SLIT3: variants seen among roughly 807,000 people sequenced by gnomAD.
SLIT3 encodes slit homolog 3 protein.
A neutral mutation model predicts 184.0 loss-of-function variants in SLIT3; 68 were observed. The ratio of observed to expected loss-of-function variants is 0.37; its 90% CI spans 0.30 to 0.45. The LOEUF is 0.45. Ranked by LOEUF, SLIT3 falls within the 20% of genes least tolerant of loss-of-function variation. SLIT3 has a pLI of 1.00. For missense variants in SLIT3, 1,707 were observed against 2,026.0 expected, an observed-to-expected ratio of 0.84 and a Z score of 3.02; for synonymous variants, 831 against 828.6, an observed-to-expected ratio of 1.00 and a Z score of -0.05.
chr5:169,134,924 G>C (rs1761446891), intron 4 of SLIT3, among the ~76,000 whole-genome samples: 1 of 152,158 alleles, frequency 6.6e-6, no homozygotes, highest in Non-Finnish European at 1.5e-5. Flanking sequence ...AGCATCTTCA[G>C]GGCAGAGCAC....
chr5:169,192,985 C>T (rs1178685396), intron 4 of SLIT3, among the ~76,000 whole-genome samples: 2 of 152,110 alleles, frequency 1.3e-5, no homozygotes, highest in Non-Finnish European at 2.9e-5. Flanking sequence ...TTCCTTTTCC[C>T]ACAAAATCAT....
chr5:168,946,689 C>T (rs1433867749), intron 4 of SLIT3, among the ~76,000 whole-genome samples: 1 of 152,200 alleles, frequency 6.6e-6, no homozygotes, highest in Non-Finnish European at 1.5e-5. Context: ...CCACAATCCC[C>T]TCTGCGGCCT....
intron 4 of SLIT3, among the ~76,000 whole-genome samples, chr5:168,932,256 G>GTGTT (rs111410870): frequency 0.5 from 65,976 of 130,830 alleles, 17,851 homozygotes; most frequent in African/African-American, 0.69. Context: ...TGTTGTTGTT[G>GTGTT]TGTTTTTTTT....
At chr5:168,817,212 T>C in intron 8 of SLIT3, 88 bp downstream of exon 8, 1 of 1,229,702 alleles carries the variant, frequency 8.1e-7, no homozygotes, top group Non-Finnish European at 1.2e-6. Context: ...TGGGCTAGGG[T>C]ATGTGTTCAA....
intron 3 of SLIT3, among the ~76,000 whole-genome samples, chr5:169,204,705 G>A (rs1180436084): frequency 1.3e-5 from 2 of 152,194 alleles, no homozygotes; most frequent in Non-Finnish European, 2.9e-5. Flanking sequence ...GTGGTGGTGG[G>A]TGTCTGTGGA....
chr5:169,102,914 T>C (rs943728604), intron 4 of SLIT3, among the ~76,000 whole-genome samples: 6 of 152,230 alleles, frequency 3.9e-5, no homozygotes, highest in Non-Finnish European at 1.5e-5. Flanking sequence ...GTCACCTCTC[T>C]TCTAAATCAT....
At chr5:168,788,321 A>G (rs1488983245) in intron 11 of SLIT3, among the ~76,000 whole-genome samples, 4 of 152,238 alleles carry the variant, frequency 2.6e-5, no homozygotes, top group Non-Finnish European at 5.9e-5. Flanking sequence ...CTCTGCAAGC[A>G]GCAGGCAACA....
At chr5:169,137,335 C>CACAGAG (rs368371904) in intron 4 of SLIT3, among the ~76,000 whole-genome samples, 2,329 of 138,592 alleles carry the variant, frequency 0.017, 68 homozygotes, top group African/African-American at 0.057. Context: ...CACACACACA[C>CACAGAG]AGAGAGAGAG....
At chr5:168,893,816 C>A (rs1316756554) in intron 4 of SLIT3, among the ~76,000 whole-genome samples, 1 of 152,128 alleles carries the variant, frequency 6.6e-6, no homozygotes, top group Non-Finnish European at 1.5e-5. Flanking sequence ...GACCTGGGCC[C>A]CCTCATTTGC....
chr5:169,190,942 A>G (rs1763531548), intron 4 of SLIT3, among the ~76,000 whole-genome samples: 1 of 152,246 alleles, frequency 6.6e-6, no homozygotes. Context: ...AGAGAGAAAA[A>G]GGGATTGCTG....
intron 5 of SLIT3, among the ~76,000 whole-genome samples, chr5:168,879,451 C>T (rs552924456): frequency 6.6e-6 from 1 of 152,204 alleles, no homozygotes; most frequent in African/African-American, 2.4e-5. Flanking sequence ...CTAAATGTCT[C>T]TTATTTTCCA....
intron 8 of SLIT3, among the ~76,000 whole-genome samples, chr5:168,809,093 T>A (rs1757082659): frequency 6.6e-6 from 1 of 152,186 alleles, no homozygotes; most frequent in Admixed American, 6.5e-5. Context: ...GAAAGAAAGA[T>A]ACCATATTCA....
intron 16 of SLIT3, among the ~76,000 whole-genome samples, chr5:168,754,650 T>A (rs902686648): frequency 1.3e-5 from 2 of 152,190 alleles, no homozygotes; most frequent in Non-Finnish European, 2.9e-5. Flanking sequence ...CACAAAGAAA[T>A]GATAGATGTT....
At chr5:169,066,150 T>C (rs1297885234) in intron 4 of SLIT3, among the ~76,000 whole-genome samples, 1 of 152,196 alleles carries the variant, frequency 6.6e-6, no homozygotes, top group Non-Finnish European at 1.5e-5. Flanking sequence ...GTAAAAACTA[T>C]TTTTGAGCAG....
At chr5:168,714,849 G>A (rs1464506895) in intron 23 of SLIT3, among the ~76,000 whole-genome samples, 2 of 152,108 alleles carry the variant, frequency 1.3e-5, no homozygotes, top group African/African-American at 4.8e-5. Flanking sequence ...TCAAGCACTT[G>A]GAACTCCTCC....
chr5:168,905,038 G>A (rs1055338064), intron 4 of SLIT3, among the ~76,000 whole-genome samples: 6 of 152,102 alleles, frequency 3.9e-5, no homozygotes, highest in Non-Finnish European at 7.4e-5. Flanking sequence ...TTAGCTGGGC[G>A]TGGCAGCGTG....
At chr5:169,268,942 C>T (rs769475952) in intron 1 of SLIT3, among the ~76,000 whole-genome samples, 1 of 152,116 alleles carries the variant, frequency 6.6e-6, no homozygotes. Context: ...TCACCATCAT[C>T]GTATGTTATT....
intron 4 of SLIT3, among the ~76,000 whole-genome samples, chr5:169,146,523 G>T (rs991458358): frequency 6.6e-6 from 1 of 152,136 alleles, no homozygotes; most frequent in African/African-American, 2.4e-5. Flanking sequence ...CAAGCCAGCT[G>T]GCTCTAGCCA....
At chr5:169,209,494 T>C (rs900449298) in intron 3 of SLIT3, among the ~76,000 whole-genome samples, 2 of 152,134 alleles carry the variant, frequency 1.3e-5, no homozygotes, top group African/African-American at 4.8e-5. Context: ...CACATGCACA[T>C]GTATGTTTAT....
Sources: allele counts gnomAD v4.1 joint callset (sites outside exome capture counted in the v4.1 genomes callset), GRCh38; gene constraint gnomAD v4.1.1; transcripts MANE v1.5; gene names NCBI Gene and HGNC (gene_info 2026-07-23, HGNC 2026-07-21).